The following C1QTNF1 variants were observed in gnomAD, a reference collection of about 807,000 sequenced individuals.
The protein encoded by C1QTNF1 is complement C1q tumor necrosis factor-related protein 1.
Under a neutral mutation model 27.8 loss-of-function variants are expected in C1QTNF1, and 22 were observed. That is an observed-to-expected ratio of 0.79 (90% CI 0.56 to 1.13). The LOEUF is 1.13. Among genes scored for constraint, C1QTNF1 ranks in the 50% most tolerant of loss-of-function variants. C1QTNF1 has a pLI of 0.00. For missense variants in C1QTNF1, 373 were observed against 380.2 expected (o/e 0.98, Z 0.16); for synonymous variants, 166 against 154.3 (o/e 1.08, Z -0.56).
At chr17:79,032,792 TG>T (rs1403242311) in intron 1 of C1QTNF1, among the ~76,000 whole-genome samples, 2 of 152,006 alleles carry the variant, frequency 1.3e-5, no homozygotes, top group African/African-American at 4.8e-5. Context: ...AGCAGCCTGG[TG>T]CGGTGGCTCA....
At chr17:79,039,964 T>C (rs1313443963) in intron 1 of C1QTNF1, among the ~76,000 whole-genome samples, 1 of 152,030 alleles carries the variant, frequency 6.6e-6, no homozygotes, top group African/African-American at 2.4e-5. Context: ...AGAATAATTA[T>C]TAAGGCACCA....
chr17:79,041,309 T>C lies in C1QTNF1; in HGVS notation c.-14-2646T>C, dbSNP rs372105952. ...ATGGGGCGTGGGCCATGCAAGGTGG[T>C]GAAGACTGGGTGTAGGTATGTGTGA... On this transcript the variant is annotated intron_variant, in intron 1 of 3. Transcript: ENST00000579760. 4.6e-5 allele frequency among the ~76,000 whole-genome samples: 7 copies of C among 152,084 alleles called. No individual in the cohort carries two copies. In the East Asian group the frequency reaches 1.4e-3, roughly 30 times the overall value.
chr17:79,025,899 AT>A, intron 1 of C1QTNF1: 5 of 434,346 alleles, frequency 1.2e-5, no homozygotes, highest in Non-Finnish European at 1.9e-5. Flanking sequence ...CATCATCATC[AT>A]CACCATCATC....
Position 79,048,034 on chromosome 17 carries a change from G to A in C1QTNF1, c.792G>A (p.Leu264=). The A allele has an allele frequency of 3.8e-6, 6 of 1,599,370 alleles. No homozygotes were observed. Among genetic ancestry groups the A allele is most frequent in the Non-Finnish European group, 5.1e-6 (6 of 1,174,976 alleles). The change falls in exon 4 of 4, where the codon CTG becomes CTA. Residue 264 remains leucine, a synonymous_variant. Coordinates refer to ENST00000579760, the MANE Select transcript of C1QTNF1 (RefSeq NM_030968.5). ...ERENAIFSEE[L]DTYITFSGYL... ...AGAACGCCATCTTCAGCGAGGAGCTGGACACCTACATCACCTTCAGTGGCT... is the reference window on the plus strand; with the variant it reads ...AGAACGCCATCTTCAGCGAGGAGCTAGACACCTACATCACCTTCAGTGGCT...
upstream of C1QTNF1, among the ~76,000 whole-genome samples, chr17:79,023,891 C>T (rs1341211709): frequency 1.3e-5 from 2 of 152,216 alleles, no homozygotes; most frequent in Non-Finnish European, 2.9e-5. Context: ...GCTCATCCCT[C>T]TGCTACCAAG....
chr17:79,048,287 A>C lies in C1QTNF1; in HGVS notation c.*199A>C, dbSNP rs1053917135. ...AGAGCTGACGGCAGATGAAATCACC[A>C]GGGCGGGGCACCCGCGAGAACCCTC... On this transcript the variant is annotated 3_prime_UTR_variant, in exon 4 of 4. Transcript: ENST00000579760. 1 of 605,874 alleles carries C rather than the reference A, an allele frequency of 1.7e-6. No homozygotes were observed. Among genetic ancestry groups the C allele is most frequent in the Non-Finnish European group, 2.7e-6 (1 of 365,010 alleles). 37.5% of individuals were successfully genotyped at this position (605,874 alleles called of 1,614,324 possible).
chr17:79,032,442 G>T (rs1025682849), intron 1 of C1QTNF1, among the ~76,000 whole-genome samples: 3 of 152,206 alleles, frequency 2.0e-5, no homozygotes, highest in African/African-American at 7.2e-5. Context: ...CTCCTTTACT[G>T]GCATAGGAAG....
At position 79,049,306 on chromosome 17, in the gene C1QTNF1, A is replaced by G. The variant is rs2072692010; in HGVS notation, c.*1218A>G. The G allele has an allele frequency of 6.6e-6, 1 of 152,292 alleles. No homozygotes were observed. Among genetic ancestry groups the G allele is most frequent in the African/African-American group, 2.4e-5 (1 of 41,456 alleles). 9.4% of individuals were successfully genotyped at this position (152,292 alleles called of 1,614,324 possible). On this transcript the variant is annotated 3_prime_UTR_variant, in exon 4 of 4. Coordinates refer to ENST00000579760, the MANE Select transcript of C1QTNF1 (RefSeq NM_030968.5). The surrounding 1 kb of genome is among the most constrained non-coding windows in gnomAD (Gnocchi z 4.4). ...AGCCTCAGTCCTGAGACCAGAGTCA[A>G]GAGGAAGTACACGTCCCAATCACCC... is the stretch of plus-strand genomic sequence containing the variant.
At position 79,048,057 on chromosome 17, in the gene C1QTNF1, G is replaced by T. The variant is rs1162330857; in HGVS notation, c.815G>T (p.Gly272Val). 3 of 1,578,472 alleles carry T rather than the reference G, an allele frequency of 1.9e-6. No homozygotes were observed. Among genetic ancestry groups the T allele is most frequent in the African/African-American group, 1.4e-5 (1 of 73,970 alleles). ...CTGGACACCTACATCACCTTCAGTGGCTACCTGGTCAAGCACGCCACCGAG... is the reference window on the plus strand; with the variant it reads ...CTGGACACCTACATCACCTTCAGTGTCTACCTGGTCAAGCACGCCACCGAG... ...EELDTYITFS[G>V]YLVKHATEP Residue 272 changes from glycine (G) to valine (V), a missense_variant, in exon 4 of 4, where the codon GGC (glycine) becomes GTC (valine). By Grantham distance (109) the Gly-to-Val change is moderately radical (BLOSUM62 -3). Coordinates refer to ENST00000579760, the MANE Select transcript of C1QTNF1 (RefSeq NM_030968.5).
At chr17:79,031,484 G>A (rs2072138854) in intron 1 of C1QTNF1, among the ~76,000 whole-genome samples, 2 of 152,038 alleles carry the variant, frequency 1.3e-5, no homozygotes, top group African/African-American at 4.8e-5. Context: ...GTTTCACTCT[G>A]TCACCCAGGC....
Position 79,044,131 on chromosome 17 carries a change from G to T in C1QTNF1, c.155+8G>T. 6.3e-7 allele frequency: 1 copy of T among 1,597,778 alleles called. No homozygotes were observed. Among genetic ancestry groups the T allele is most frequent in the Non-Finnish European group, 8.5e-7 (1 of 1,170,936 alleles). On this transcript the variant is annotated splice_region_variant and intron_variant, in intron 2 of 3. Coordinates refer to ENST00000579760, the MANE Select transcript of C1QTNF1 (RefSeq NM_030968.5). ...TCCGGACCATGCCGAGAGGTGAGGG[G>T]CCACGAGGGTGTAATAGCAGGAGCT...
At chr17:79,036,228 G>C (rs772028057) in intron 1 of C1QTNF1, among the ~76,000 whole-genome samples, 2 of 152,188 alleles carry the variant, frequency 1.3e-5, no homozygotes, top group Non-Finnish European at 2.9e-5. Context: ...AGGCTAGGGC[G>C]CAGTGGTGCA....
chr17:79,030,026 T>C (rs2072082751), intron 1 of C1QTNF1, among the ~76,000 whole-genome samples: 5 of 152,160 alleles, frequency 3.3e-5, no homozygotes, highest in Admixed American at 2.0e-4. Flanking sequence ...GTGGTTCCGC[T>C]TGAGCCTCAA....
rs1360379266 is a variant in C1QTNF1 at position 79,049,264 on chromosome 17, T to C, written c.*1176T>C. On this transcript the variant is annotated 3_prime_UTR_variant, in exon 4 of 4. Coordinates refer to ENST00000579760, the MANE Select transcript of C1QTNF1 (RefSeq NM_030968.5). The surrounding 1 kb of genome is among the most constrained non-coding windows in gnomAD (Gnocchi z 4.4). ...GGGCTAGAAAGCTCCCGCTTGTCTGTTTCTCAGGCTCCTGTGAGCCTCAGT... is the reference window on the plus strand; with the variant it reads ...GGGCTAGAAAGCTCCCGCTTGTCTGCTTCTCAGGCTCCTGTGAGCCTCAGT... 6.6e-6 allele frequency: 1 copy of C among 152,254 alleles called. No homozygotes were observed. Among genetic ancestry groups the C allele is most frequent in the Non-Finnish European group, 1.5e-5 (1 of 68,092 alleles). 9.4% of individuals were successfully genotyped at this position (152,254 alleles called of 1,614,324 possible). A position where few individuals can be genotyped will look rare whatever the true frequency, so the allele number is the denominator to read the frequency against.
At position 79,049,558 on chromosome 17, in the gene C1QTNF1, C is replaced by G. The variant is rs1029739330; in HGVS notation, c.*1470C>G. On this transcript the variant is annotated 3_prime_UTR_variant, in exon 4 of 4. Coordinates refer to ENST00000579760, the MANE Select transcript of C1QTNF1 (RefSeq NM_030968.5). The surrounding 1 kb of genome is among the most constrained non-coding windows in gnomAD (Gnocchi z 4.4). ...CGCTGGGCCCCCAAACCCCCGCTGC[C>G]TCTCTTCCTTCCCCCCATCCCCCAC... The G allele has an allele frequency of 6.6e-6, 1 of 152,402 alleles. No homozygotes were observed. Among genetic ancestry groups the G allele is most frequent in the Non-Finnish European group, 1.5e-5 (1 of 68,232 alleles). 9.4% of individuals were successfully genotyped at this position (152,402 alleles called of 1,614,324 possible).
At chr17:79,030,503 TTCTTTCTTTCTTTCTTTC>T (rs1330629525) in intron 1 of C1QTNF1, among the ~76,000 whole-genome samples, 9 of 137,488 alleles carry the variant, frequency 6.5e-5, no homozygotes, top group African/African-American at 2.4e-4. Flanking sequence ...CTTTCTTTCT[TTCTTTCTTTCTTTCTTTC>T]TTTCTTTCTT....
chr17:79,027,870 G>C (rs2072014064), intron 1 of C1QTNF1, among the ~76,000 whole-genome samples: 1 of 152,206 alleles, frequency 6.6e-6, no homozygotes, highest in Non-Finnish European at 1.5e-5. Flanking sequence ...GTTCAAAGGG[G>C]GATGGTCTCC....
chr17:79,028,024 G>A (rs919580911), intron 1 of C1QTNF1, among the ~76,000 whole-genome samples: 12 of 152,216 alleles, frequency 7.9e-5, no homozygotes, highest in African/African-American at 2.9e-4. Context: ...CCCCCATCCT[G>A]TCCAGGACGG....
In C1QTNF1 at chr17:79,046,811, G is replaced by A; in HGVS notation, c.295+117G>A. The A allele has an allele frequency of 3.0e-6, 4 of 1,338,254 alleles. No individual in the cohort carries two copies. The highest frequency in any genetic ancestry group is 3.1e-6 in the Non-Finnish European group (3 of 975,624). The allele number at this position is 1,338,254 out of a possible 1,614,324, so 82.9% of individuals were successfully genotyped here. A position where few individuals can be genotyped will look rare whatever the true frequency, so the allele number is the denominator to read the frequency against. On this transcript the variant is annotated intron_variant, in intron 3 of 3. Coordinates refer to ENST00000579760, the MANE Select transcript of C1QTNF1 (RefSeq NM_030968.5). This position sits in a 1 kb window ranked among gnomAD's most constrained non-coding sequence, Gnocchi z 4.8. ...AGAGCAGAATGGCTCCCTCGGGACA[G>A]GGAGCAGAGGCAGGCAGGCTGTCAT...
Sources: allele counts gnomAD v4.1 joint callset (sites outside exome capture counted in the v4.1 genomes callset), GRCh38; gene constraint gnomAD v4.1.1; non-coding constraint Gnocchi (gnomAD v3.1); transcripts MANE v1.5; gene names NCBI Gene and HGNC (gene_info 2026-07-23, HGNC 2026-07-21).